PXDNL: variants seen among roughly 807,000 people sequenced by gnomAD.
PXDNL encodes peroxidasin like, also known as probable oxidoreductase PXDNL.
Under a neutral mutation model 150.8 loss-of-function variants are expected in PXDNL, and 145 were observed. The ratio of observed to expected loss-of-function variants is 0.96; its 90% CI spans 0.84 to 1.10. PXDNL has a LOEUF of 1.10. Among genes scored for constraint, PXDNL ranks in the 50% least tolerant of loss-of-function variants. PXDNL has a pLI of 0.00. For synonymous variants in PXDNL, 757 were observed against 725.7 expected, an observed-to-expected ratio of 1.04 and a Z score of -0.69; for missense variants, 2,087 against 1,873.9, an observed-to-expected ratio of 1.11 and a Z score of -2.10.
chr8:51,806,415 C>A (rs553823070), intron 1 of PXDNL, among the ~76,000 whole-genome samples: 1 of 152,292 alleles, frequency 6.6e-6, no homozygotes, highest in Non-Finnish European at 1.5e-5. Flanking sequence ...GGGAGAAATT[C>A]ATTCAGCTTC....
chr8:51,586,715 G>A (rs1033423875), intron 3 of PXDNL, among the ~76,000 whole-genome samples: 8 of 152,172 alleles, frequency 5.3e-5, no homozygotes, highest in African/African-American at 1.4e-4. Context: ...AATGGAAAAT[G>A]CCAATGCTAA....
intron 6 of PXDNL, among the ~76,000 whole-genome samples, chr8:51,477,302 A>C (rs964103658): frequency 2.0e-5 from 3 of 152,214 alleles, no homozygotes; most frequent in Non-Finnish European, 4.4e-5. Flanking sequence ...ACTTATTGAA[A>C]AGTTAGTTAA....
At chr8:51,393,649 G>A (rs1409869931) in intron 17 of PXDNL, among the ~76,000 whole-genome samples, 1 of 152,194 alleles carries the variant, frequency 6.6e-6, no homozygotes, top group South Asian at 2.1e-4. Flanking sequence ...AAGAGATTTT[G>A]CCAATGTGAT....
intron 1 of PXDNL, among the ~76,000 whole-genome samples, chr8:51,718,764 T>C (rs1318541866): frequency 6.6e-6 from 1 of 152,180 alleles, no homozygotes; most frequent in East Asian, 1.9e-4. Context: ...GAGGACTGCC[T>C]CTTGGCCCCT....
rs1469531952 is a variant in PXDNL at position 51,411,266 on chromosome 8, C to T, written c.2046G>A (p.Val682=). 7 of 1,489,142 alleles carry T rather than the reference C, an allele frequency of 4.7e-6. No individual in the cohort carries two copies. The highest frequency in any genetic ancestry group is 6.2e-6 in the Non-Finnish European group (7 of 1,120,690). 92.2% of individuals were successfully genotyped at this position (1,489,142 alleles called of 1,614,324 possible). A position where few individuals can be genotyped will look rare whatever the true frequency, so the allele number is the denominator to read the frequency against. ...GTGGCTGACCTTTGCCTTCCAAGTC[C>T]ACAGTGAGCCCCTGCTTCACACGTT... ...IRERVKQGLT[V]DLEGKEFRYN... is the part of the protein sequence containing the mutation. The change falls in exon 16 of 23, where the codon GTG becomes GTA. Residue 682 remains valine, a synonymous_variant. Transcript: ENST00000356297.
intron 8 of PXDNL, among the ~76,000 whole-genome samples, chr8:51,458,110 T>C (rs1287281567): frequency 6.6e-6 from 1 of 152,240 alleles, no homozygotes; most frequent in Non-Finnish European, 1.5e-5. Flanking sequence ...AAAATATTCC[T>C]ATTCAAACCA....
At chr8:51,511,689 G>T (rs950055712) in intron 4 of PXDNL, among the ~76,000 whole-genome samples, 4 of 152,176 alleles carry the variant, frequency 2.6e-5, no homozygotes, top group Admixed American at 2.6e-4. Context: ...TCACCGCAGA[G>T]CCACCCTGAT....
At chr8:51,356,988 A>G (rs1208880642) in intron 19 of PXDNL, among the ~76,000 whole-genome samples, 1 of 152,184 alleles carries the variant, frequency 6.6e-6, no homozygotes, top group African/African-American at 2.4e-5. Context: ...TCTGATAATT[A>G]TCCCCCAAAC....
chr8:51,467,223 A>G (rs1032297018), intron 8 of PXDNL, among the ~76,000 whole-genome samples: 1 of 152,134 alleles, frequency 6.6e-6, no homozygotes, highest in African/African-American at 2.4e-5. Flanking sequence ...AAAGAATGGA[A>G]TCATGTCCTT....
intron 6 of PXDNL, among the ~76,000 whole-genome samples, chr8:51,478,631 C>T (rs1210820683): frequency 2.0e-5 from 3 of 152,168 alleles, no homozygotes; most frequent in African/African-American, 7.2e-5. Flanking sequence ...CTTCAAAGTG[C>T]CACGCCCAGA....
intron 21 of PXDNL, 27 bp downstream of exon 21, chr8:51,339,597 G>A (rs778180715): frequency 6.2e-7 from 1 of 1,607,366 alleles, no homozygotes; most frequent in Admixed American, 1.7e-5. Flanking sequence ...ATACAATAAG[G>A]ACATGTTATT....
In PXDNL at chr8:51,446,070, AT is replaced by A. The variant is rs1809666281; in HGVS notation, c.1525+933del. Among the ~76,000 whole-genome samples, 4 of 152,172 alleles carry A rather than the reference AT, an allele frequency of 2.6e-5. No homozygotes were observed. In the South Asian group the frequency reaches 8.3e-4, roughly 32 times the overall value. On this transcript the variant is annotated intron_variant, in intron 12 of 22. Transcript: ENST00000356297. ...AAAAAACATTTAATATGTCTAAAAT[AT>A]AAGGGGAAAGTAATTGCTAACAGAC...
chr8:51,634,640 A>G (rs1814566380), intron 2 of PXDNL, among the ~76,000 whole-genome samples: 1 of 152,048 alleles, frequency 6.6e-6, no homozygotes, highest in South Asian at 2.1e-4. Context: ...TGTTTGTGAC[A>G]TCTATGATTT....
intron 4 of PXDNL, among the ~76,000 whole-genome samples, chr8:51,534,814 C>A (rs1267172043): frequency 1.5e-5 from 2 of 129,942 alleles, no homozygotes; most frequent in African/African-American, 6.4e-5. Context: ...AGCCCCCCGC[C>A]CGGCCAGCCG....
At chr8:51,764,403 T>G (rs1422668971) in intron 1 of PXDNL, among the ~76,000 whole-genome samples, 1 of 151,642 alleles carries the variant, frequency 6.6e-6, no homozygotes, top group Admixed American at 6.6e-5. Flanking sequence ...AGTGAAAGTT[T>G]ATTTATTTGA....
chr8:51,535,720 A>T (rs917625026), intron 4 of PXDNL, among the ~76,000 whole-genome samples: 4 of 138,232 alleles, frequency 2.9e-5, no homozygotes, highest in African/African-American at 1.2e-4. Flanking sequence ...TCAATAAAAA[A>T]ATAAATAAAT....
chr8:51,345,907 CT>C lies in PXDNL; in HGVS notation c.3941del (p.Glu1314GlyfsTer20). 2 of 1,613,786 alleles carry C rather than the reference CT, an allele frequency of 1.2e-6. No homozygotes were observed. Among genetic ancestry groups the C allele is most frequent in the Non-Finnish European group, 1.7e-6 (2 of 1,179,722 alleles). The part of the protein sequence containing the change: ...SRGQFRAVTQ[E>X]SQKKRSAQYS... ...ATTGAGCTGAGCGTTTCTTTTGAGA[CT>C]CTTGCGTCACTGCTCTGAACTGTCC... On this transcript the variant is annotated frameshift_variant, in exon 20 of 23. Transcript: ENST00000356297. LOFTEE classifies it high-confidence loss of function.
chr8:51,414,440 T>C (rs1028809891), intron 14 of PXDNL, among the ~76,000 whole-genome samples: 11 of 151,590 alleles, frequency 7.3e-5, no homozygotes, highest in Non-Finnish European at 1.3e-4. Flanking sequence ...AAGGAAAGAA[T>C]AAAATTCAGG....
At chr8:51,802,604 A>G (rs1157439613) in intron 1 of PXDNL, among the ~76,000 whole-genome samples, 1 of 152,240 alleles carries the variant, frequency 6.6e-6, no homozygotes, top group Non-Finnish European at 1.5e-5. Flanking sequence ...GTTTGACAAT[A>G]AAACTGTGCT....
Sources: allele counts gnomAD v4.1 joint callset (sites outside exome capture counted in the v4.1 genomes callset), GRCh38; gene constraint gnomAD v4.1.1; transcripts MANE v1.5; gene names NCBI Gene and HGNC (gene_info 2026-07-23, HGNC 2026-07-21).